Variants in KDR observed in about 807,000 individuals in gnomAD.
KDR encodes vascular endothelial growth factor receptor 2.
Under a neutral mutation model 160.9 loss-of-function variants are expected in KDR, and 43 were observed. The observed-to-expected ratio is 0.27, with a 90% CI of 0.21 to 0.34. KDR has a LOEUF of 0.34. KDR is among the 10% of genes least tolerant of loss of function. The pLI is 1.00. For missense variants in KDR, 1,469 were observed against 1,666.4 expected, an observed-to-expected ratio of 0.88 and a Z score of 2.06; for synonymous variants, 617 against 600.1, an observed-to-expected ratio of 1.03 and a Z score of -0.41.
At chr4:55,099,491 A>C (rs1720255944) in intron 15 of KDR, among the ~76,000 whole-genome samples, 1 of 152,080 alleles carries the variant, frequency 6.6e-6, no homozygotes, top group South Asian at 2.1e-4. Context: ...ATCATTCTCT[A>C]CAGAGAAAAA....
At chr4:55,107,661 G>T (rs146632413) in intron 10 of KDR, 76 bp downstream of exon 10, 12 of 1,577,080 alleles carry the variant, frequency 7.6e-6, no homozygotes, top group Middle Eastern at 1.8e-4. Context: ...TCTCCATTTA[G>T]GATGGAGTCA....
chr4:55,101,518 G>A (rs767716413), intron 15 of KDR, among the ~76,000 whole-genome samples: 20 of 151,814 alleles, frequency 1.3e-4, no homozygotes, highest in Admixed American at 1.1e-3. Flanking sequence ...TTTAAGTTCC[G>A]GGATACATGT....
rs546625385 is a variant in KDR at position 55,081,353 on chromosome 4, ATTATTC to A, written c.3848+597_3848+602del. On this transcript the variant is annotated intron_variant, in intron 29 of 29. Transcript: ENST00000263923. ...GCAAATACATAACTACACTTATTCT[ATTATTC>A]TTATAAATATAGATTTTCATTGATT... 1.5e-3 allele frequency among the ~76,000 whole-genome samples: 226 copies of A among 152,278 alleles called. 1 individual carries two copies. The highest frequency in any genetic ancestry group is 5.2e-3 in the African/African-American group (215 of 41,568).
At chr4:55,095,333 G>A (rs1023395193) in intron 20 of KDR, among the ~76,000 whole-genome samples, 2 of 152,080 alleles carry the variant, frequency 1.3e-5, no homozygotes, top group Non-Finnish European at 2.9e-5. Flanking sequence ...CCCTTTCCTC[G>A]CTCATACCTG....
intron 21 of KDR, among the ~76,000 whole-genome samples, chr4:55,094,369 A>G (rs1227622503): frequency 6.6e-6 from 1 of 152,174 alleles, no homozygotes; most frequent in Non-Finnish European, 1.5e-5. Context: ...GATGGCTCCT[A>G]AACTGCCTTT....
At position 55,096,259 on chromosome 4, in the gene KDR, T is replaced by G. The variant is rs765037083; in HGVS notation, c.2698A>C (p.Asn900His). The G allele has an allele frequency of 2.5e-6, 4 of 1,613,492 alleles. No homozygotes were observed. Among genetic ancestry groups the G allele is most frequent in the Non-Finnish European group, 1.7e-6 (2 of 1,179,576 alleles). The change falls in exon 19 of 30, where the codon AAC (asparagine) becomes CAC (histidine). Residue 900 changes from asparagine (N) to histidine (H), a missense_variant. Asn to His is a moderately conservative substitution (Grantham distance 68). Transcript: ENST00000263923. ...IHIGHHLNVV[N>H]LLGACTKPGG... ...GGCTTGGTACAGGCACCTAGAAGGTTGACCACATTGAGATGGTGACCAATA... is the reference window on the plus strand; with the variant it reads ...GGCTTGGTACAGGCACCTAGAAGGTGGACCACATTGAGATGGTGACCAATA...
chr4:55,105,788 C>G (rs1253285688), intron 12 of KDR, 44 bp downstream of exon 12: 3 of 1,163,736 alleles, frequency 2.6e-6, no homozygotes, highest in Middle Eastern at 3.8e-4. Flanking sequence ...TTAGTACCCA[C>G]TGTGTGAGTG....
At chr4:55,115,498 C>A in intron 3 of KDR, 87 bp from the exon 4 acceptor site, 1 of 749,410 alleles carries the variant, frequency 1.3e-6, no homozygotes, top group Non-Finnish European at 2.4e-6. Context: ...TCTAACCAGA[C>A]AAGTGAATGA....
intron 22 of KDR, chr4:55,092,226 G>T: frequency 3.5e-6 from 1 of 285,750 alleles, no homozygotes; most frequent in Non-Finnish European, 6.9e-6. Flanking sequence ...ACCCTTTCTT[G>T]CTTTATTTCC....
In KDR at chr4:55,125,455, AG is replaced by A; in HGVS notation, c.-163del. ...GAGCCCGGGCGCCGACCGCGGCTGC[AG>A]GGGCGTCTGCGGGTGCCGGTAGGAG... On this transcript the variant is annotated 5_prime_UTR_variant, in exon 1 of 30. An upstream open reading frame in the 5' UTR loses its in-frame stop. Transcript: ENST00000263923. 1 of 812,106 alleles carries A rather than the reference AG, an allele frequency of 1.2e-6. No homozygotes were observed. 50.3% of individuals were successfully genotyped at this position (812,106 alleles called of 1,614,324 possible). A position where few individuals can be genotyped will look rare whatever the true frequency, so the allele number is the denominator to read the frequency against.
At chr4:55,113,520 T>C (rs1201672916) in intron 6 of KDR, 39 bp from the exon 7 acceptor site, 1 of 1,566,720 alleles carries the variant, frequency 6.4e-7, no homozygotes, top group African/African-American at 1.3e-5. Context: ...AAGCACAGCA[T>C]ATAACATTAC....
At position 55,082,565 on chromosome 4, in the gene KDR, C is replaced by G. The variant is rs1242969500; in HGVS notation, c.3733G>C (p.Glu1245Gln). The G allele has an allele frequency of 6.2e-7, 1 of 1,613,618 alleles. No homozygotes were observed. The highest frequency in any genetic ancestry group is 8.5e-7 in the Non-Finnish European group (1 of 1,179,704). Residue 1245 changes from glutamate (E) to glutamine (Q), a missense_variant, in exon 28 of 30, where the codon GAA (glutamate) becomes CAA (glutamine). Glu to Gln is a conservative substitution (Grantham distance 29). Around this residue, in one of 7 missense-constraint regions of KDR, gnomAD observed 229 missense variants for 197.8 expected, o/e 1.16. Coordinates refer to ENST00000263923, the MANE Select transcript of KDR (RefSeq NM_002253.4). ...GGGATTACTTTTACTTCTGGTTCTT[C>G]TAACGGGATATCTTCAAATGTTTTT... ...SVKTFEDIPL[E>Q]EPEVKVIPDD... is the part of the protein sequence containing the mutation.
intron 16 of KDR, 44 bp downstream of exon 16, chr4:55,098,653 A>C: frequency 6.9e-7 from 1 of 1,446,604 alleles, no homozygotes; most frequent in Non-Finnish European, 9.7e-7. Flanking sequence ...TTCATTAATC[A>C]TGAAAACCAA....
rs904946773 is a variant in KDR at position 55,089,901 on chromosome 4, GA to G, written c.3192+54del. 233 of 1,609,100 alleles carry G rather than the reference GA, an allele frequency of 1.4e-4. 1 individual carries two copies. In the Middle Eastern group the frequency reaches 1.8e-3, roughly 13 times the overall value. On this transcript the variant is annotated intron_variant, in intron 23 of 29. Transcript: ENST00000263923. Reference sequence around the variant, plus strand: ...GAACACAGGTCCTGAAGCTCTCTACGAGGAGTTTTAATTCTGTTACTTAACC... The same window carrying G: ...GAACACAGGTCCTGAAGCTCTCTACGGGAGTTTTAATTCTGTTACTTAACC...
At position 55,098,283 on chromosome 4, in the gene KDR, T is replaced by A; in HGVS notation, c.2374-11A>T. ...TTCCCCTCCATTGGCCTGGAAAGCA[T>A]CAATCCTTCCAGTCATAAACACACT... On this transcript the variant is annotated splice_polypyrimidine_tract_variant and intron_variant, in intron 16 of 29. Coordinates refer to ENST00000263923, the MANE Select transcript of KDR (RefSeq NM_002253.4). 6.2e-7 allele frequency: 1 copy of A among 1,613,664 alleles called. No individual in the cohort carries two copies. Among genetic ancestry groups the A allele is most frequent in the Non-Finnish European group, 8.5e-7 (1 of 1,179,780 alleles).
intron 7 of KDR, among the ~76,000 whole-genome samples, chr4:55,112,592 G>C (rs774362049): frequency 6.9e-6 from 1 of 144,872 alleles, no homozygotes; most frequent in East Asian, 2.1e-4. Flanking sequence ...ACAATGGCAC[G>C]ATCTTGGCTC....
intron 9 of KDR, 37 bp downstream of exon 9, chr4:55,110,366 T>C: frequency 1.2e-6 from 2 of 1,604,032 alleles, no homozygotes; most frequent in Non-Finnish European, 1.7e-6. Context: ...TGTATCATAA[T>C]AAATCTTGGG....
rs2305948 is a variant in KDR, at chr4:55,113,391, C to A, written c.889G>T (p.Val297Leu). Residue 297 changes from valine to leucine, a missense_variant, in exon 7 of 30, where the codon GTA becomes TTA. Val to Leu is a conservative substitution (Grantham distance 32). Coordinates refer to ENST00000263923, the MANE Select transcript of KDR (RefSeq NM_002253.4). ...TACAATCCTTGGTCACTCCGGGTTA[C>A]ACCATCTATAGTTAAGGTGCTCAAA... The part of the protein sequence containing the change: ...KFLSTLTIDG[V>L]TRSDQGLYTC... 1 of 1,613,920 alleles carries A rather than the reference C, an allele frequency of 6.2e-7. No homozygotes were observed. Among genetic ancestry groups the A allele is most frequent in the Non-Finnish European group, 8.5e-7 (1 of 1,179,946 alleles).
intron 11 of KDR, 129 bp from the exon 12 acceptor site, chr4:55,106,069 C>A: frequency 2.7e-6 from 2 of 753,128 alleles, no homozygotes; most frequent in South Asian, 1.4e-5. Flanking sequence ...CGGTTGGACA[C>A]GCTCAAATTT....
Sources: allele counts gnomAD v4.1 joint callset (sites outside exome capture counted in the v4.1 genomes callset), GRCh38; gene constraint gnomAD v4.1.1; regional missense constraint gnomAD v4.1.1; transcripts MANE v1.5; gene names NCBI Gene and HGNC (gene_info 2026-07-23, HGNC 2026-07-21).